MERTK: variants seen among roughly 807,000 people sequenced by gnomAD.
MERTK encodes the protein MER proto-oncogene, tyrosine kinase, also known as tyrosine-protein kinase Mer.
Under a neutral mutation model 99.3 loss-of-function variants are expected in MERTK, and 69 were observed. That is an observed-to-expected ratio of 0.70 (90% CI 0.57 to 0.85). MERTK has a LOEUF of 0.85. Ranked by LOEUF, MERTK falls within the 40% of genes least tolerant of loss-of-function variation. MERTK has a pLI of 0.00. For missense variants in MERTK, 1,125 were observed against 1,249.4 expected (o/e 0.90, Z 1.50); for synonymous variants, 426 against 467.6 (o/e 0.91, Z 1.15).
chr2:112,004,668 T>A (rs1676944893), intron 13 of MERTK, among the ~76,000 whole-genome samples: 1 of 152,002 alleles, frequency 6.6e-6, no homozygotes, highest in African/African-American at 2.4e-5. Context: ...TCCCAGCACT[T>A]TGGGAGGCTG....
intron 1 of MERTK, among the ~76,000 whole-genome samples, chr2:111,914,103 T>TTTTTTTTTTTTTTTTTTTTTTTTTC (rs1684303592): frequency 9.4e-6 from 1 of 106,588 alleles, no homozygotes; most frequent in African/African-American, 4.7e-5. Context: ...CTTTCTTTCT[T>TTTTTTTTTTTTTTTTTTTTTTTTTC]TTTTTTTTTT....
At chr2:111,983,941 A>G (rs193135060) in intron 8 of MERTK, among the ~76,000 whole-genome samples, 4 of 152,236 alleles carry the variant, frequency 2.6e-5, no homozygotes, top group Non-Finnish European at 4.4e-5. Context: ...GTGTTAGTCA[A>G]GATTCTTTAG....
intron 7 of MERTK, among the ~76,000 whole-genome samples, chr2:111,977,175 T>C (rs1676270720): frequency 6.6e-6 from 1 of 152,212 alleles, no homozygotes; most frequent in Admixed American, 6.5e-5. Context: ...TGAAGAACTT[T>C]TTTAAAAATC....
At position 112,009,803 on chromosome 2, in the gene MERTK, A is replaced by G. The variant is rs1341653985; in HGVS notation, c.1961-145A>G. Reference sequence around the variant, plus strand: ...ACCCTGTGTGTGTTCCATTTTCTAGAACAGAGTGTGAGTTAGGCGCTCTTG... The same window carrying G: ...ACCCTGTGTGTGTTCCATTTTCTAGGACAGAGTGTGAGTTAGGCGCTCTTG... On this transcript the variant is annotated intron_variant, in intron 14 of 18. Transcript: ENST00000295408. 4.1e-6 allele frequency: 3 copies of G among 727,578 alleles called. No individual in the cohort carries two copies. In the Admixed American group the frequency reaches 5.5e-5, roughly 13 times the overall value. The allele number at this position is 727,578 out of a possible 1,614,324, so 45.1% of individuals were successfully genotyped here.
intron 7 of MERTK, among the ~76,000 whole-genome samples, chr2:111,977,148 A>G (rs1333983320): frequency 6.6e-6 from 1 of 152,218 alleles, no homozygotes; most frequent in Non-Finnish European, 1.5e-5. Flanking sequence ...TTTATCTGAC[A>G]TCATTCTCCT....
chr2:111,987,388 G>A (rs1306431709), intron 8 of MERTK, among the ~76,000 whole-genome samples: 2 of 152,158 alleles, frequency 1.3e-5, no homozygotes, highest in South Asian at 2.1e-4. Flanking sequence ...TTTTTCTTGC[G>A]ATTCCTTGCC....
chr2:111,927,657 A>G (rs1684591898), intron 1 of MERTK, among the ~76,000 whole-genome samples: 2 of 152,312 alleles, frequency 1.3e-5, no homozygotes, highest in South Asian at 4.1e-4. Flanking sequence ...TGACAGAGCA[A>G]GAAGGCCCTG....
chr2:112,028,780 G>A lies in MERTK; in HGVS notation c.2916G>A (p.Ser972=), dbSNP rs10205793. The A allele has an allele frequency of 0.038, 60,764 of 1,613,998 alleles. 1,461 individuals carry two copies. Among genetic ancestry groups the A allele is most frequent in the African/African-American group, 0.11 (8,131 of 74,952 alleles). Residue 972 remains serine (S), a synonymous_variant, in exon 19 of 19, where the codon TCG becomes TCA. Transcript: ENST00000295408. The stretch of plus-strand genomic sequence containing the variant: ...GGAATGGGGTCTCCTGGTCCCATTC[G>A]AGCATGCTGCCCTTGGGAAGCTCAT... ...LVRNGVSWSH[S]SMLPLGSSLP...
intron 10 of MERTK, 25 bp from the exon 11 acceptor site, chr2:112,001,176 A>C (rs375366871): frequency 1.3e-6 from 2 of 1,570,338 alleles, no homozygotes; most frequent in African/African-American, 2.7e-5. Context: ...TTTATAGTGA[A>C]GTATCTTTGT....
intron 2 of MERTK, among the ~76,000 whole-genome samples, chr2:111,940,060 G>T (rs1193589372): frequency 1.3e-5 from 2 of 151,564 alleles, no homozygotes; most frequent in African/African-American, 4.9e-5. Flanking sequence ...GCCTCCTGTG[G>T]TCCAGCTCCT....
At chr2:111,968,039 C>G (rs563508052) in intron 5 of MERTK, 98 bp from the exon 6 acceptor site, 2 of 864,812 alleles carry the variant, frequency 2.3e-6, no homozygotes, top group East Asian at 2.5e-5. Context: ...TCTCAAGGAA[C>G]GAAAACAGGT....
intron 4 of MERTK, among the ~76,000 whole-genome samples, chr2:111,958,991 A>G (rs763049139): frequency 8.1e-5 from 11 of 136,500 alleles, no homozygotes; most frequent in South Asian, 2.1e-4. Flanking sequence ...TAAACTGCCA[A>G]TGTCTCCTCC....
intron 1 of MERTK, among the ~76,000 whole-genome samples, chr2:111,920,782 G>A (rs1389796033): frequency 1.3e-5 from 2 of 152,110 alleles, no homozygotes; most frequent in Non-Finnish European, 2.9e-5. Context: ...ACCCTCCCGA[G>A]TAGCTGGGAT....
chr2:111,976,438 C>G (rs572509132), intron 7 of MERTK, among the ~76,000 whole-genome samples: 1 of 151,910 alleles, frequency 6.6e-6, no homozygotes, highest in Non-Finnish European at 1.5e-5. Context: ...GAGGCCTGCC[C>G]CTGAGGCGTA....
chr2:112,020,655 G>A (rs1482744914), intron 16 of MERTK: 6 of 470,912 alleles, frequency 1.3e-5, no homozygotes, highest in African/African-American at 8.0e-5. Flanking sequence ...CTTACTGCAG[G>A]TAATTCCCCA....
intron 10 of MERTK, among the ~76,000 whole-genome samples, chr2:111,999,100 C>T (rs1278122438): frequency 1.3e-5 from 2 of 152,114 alleles, no homozygotes; most frequent in Non-Finnish European, 2.9e-5. Context: ...TTTTGGCATA[C>T]GTCTTTCCAA....
At chr2:111,996,563 C>G (rs544606782) in intron 9 of MERTK, 1 of 154,734 alleles carries the variant, frequency 6.5e-6, no homozygotes, top group Non-Finnish European at 1.5e-5. Context: ...TAGTGTTCAA[C>G]GTAAAATTTG....
At chr2:112,001,752 C>T (rs1439357902) in intron 11 of MERTK, among the ~76,000 whole-genome samples, 1 of 152,148 alleles carries the variant, frequency 6.6e-6, no homozygotes, top group South Asian at 2.1e-4. Flanking sequence ...TAAACAGACA[C>T]TAGTGTTCCT....
chr2:111,974,769 C>CAAAAAAAAAAAAAAAAAA (rs35594851), intron 6 of MERTK, among the ~76,000 whole-genome samples: 4 of 53,372 alleles, frequency 7.5e-5, no homozygotes, highest in African/African-American at 1.5e-4. Context: ...AGGTCCATCT[C>CAAAAAAAAAAAAAAAAAA]AAAAAAAAAA....
Sources: allele counts gnomAD v4.1 joint callset (sites outside exome capture counted in the v4.1 genomes callset), GRCh38; gene constraint gnomAD v4.1.1; transcripts MANE v1.5; gene names NCBI Gene and HGNC (gene_info 2026-07-23, HGNC 2026-07-21).